Variants in RANBP2 observed in about 807,000 individuals in gnomAD.
The protein encoded by RANBP2 is E3 SUMO-protein ligase RanBP2.
RANBP2 carries 57 observed loss-of-function variants against 303.6 expected under a neutral mutation model. The observed-to-expected ratio is 0.19, with a 90% CI of 0.15 to 0.23. The LOEUF is 0.23. Ranked by LOEUF, RANBP2 falls within the 10% of genes least tolerant of loss-of-function variation. The pLI is 1.00. For missense variants in RANBP2, 3,138 were observed against 3,780.8 expected (o/e 0.83, Z 4.46); for synonymous variants, 1,167 against 1,301.5 (o/e 0.90, Z 2.23).
At chr2:108,899,156 G>A in the RANBP2 span, among the ~76,000 whole-genome samples, 1 of 150,090 alleles carries the variant, frequency 6.7e-6, no homozygotes, top group Non-Finnish European at 1.5e-5. Flanking sequence ...TAAAGACAAA[G>A]TCTTAGAAAC....
the RANBP2 span, among the ~76,000 whole-genome samples, chr2:109,722,082 G>A: frequency 1.3e-5 from 2 of 152,328 alleles, no homozygotes; most frequent in African/African-American, 2.4e-5. Flanking sequence ...GTGGAGAGGA[G>A]GATGGCAGGC....
chr2:109,166,408 C>T, the RANBP2 span, among the ~76,000 whole-genome samples: 936 of 141,910 alleles, frequency 6.6e-3, 9 homozygotes, highest in African/African-American at 0.023. Flanking sequence ...ACGTGGGAGG[C>T]GGAGGTTGTG....
At chr2:109,107,553 C>T in the RANBP2 span, among the ~76,000 whole-genome samples, 3 of 152,244 alleles carry the variant, frequency 2.0e-5, no homozygotes, top group Admixed American at 1.3e-4. Context: ...TCCTCTCTAC[C>T]TTCATTCAGA....
the RANBP2 span, among the ~76,000 whole-genome samples, chr2:109,723,154 C>A: frequency 6.6e-6 from 1 of 151,656 alleles, no homozygotes; most frequent in African/African-American, 2.4e-5. Flanking sequence ...TCTTTTTTTT[C>A]TTTTTCTACT....
At chr2:109,480,283 C>A in the RANBP2 span, among the ~76,000 whole-genome samples, 1 of 152,278 alleles carries the variant, frequency 6.6e-6, no homozygotes, top group East Asian at 1.9e-4. Context: ...GCACTTGAGC[C>A]CCATGTTTGA....
chr2:109,433,254 A>G, the RANBP2 span, among the ~76,000 whole-genome samples: 1 of 152,266 alleles, frequency 6.6e-6, no homozygotes, highest in Non-Finnish European at 1.5e-5. Flanking sequence ...CACTATATAC[A>G]TATATGCAAA....
the RANBP2 span, among the ~76,000 whole-genome samples, chr2:109,453,257 C>G: frequency 1.3e-5 from 2 of 152,238 alleles, no homozygotes; most frequent in Non-Finnish European, 2.9e-5. Flanking sequence ...CCTGCCTGAT[C>G]ATATTGCTCC....
chr2:109,379,782 G>A, the RANBP2 span, among the ~76,000 whole-genome samples: 4 of 152,082 alleles, frequency 2.6e-5, no homozygotes, highest in Non-Finnish European at 5.9e-5. Context: ...TGCAGGTGAA[G>A]CCCGGTCATT....
the RANBP2 span, chr2:109,542,937 G>C: frequency 5.9e-5 from 9 of 152,540 alleles, no homozygotes; most frequent in East Asian, 1.7e-3. Flanking sequence ...ATAATTAAAT[G>C]AACGTTTTTA....
chr2:109,475,404 A>T, the RANBP2 span, among the ~76,000 whole-genome samples: 1 of 152,222 alleles, frequency 6.6e-6, no homozygotes, highest in Admixed American at 6.5e-5. Context: ...CCTGCCTTCC[A>T]GGAGCTGTTC....
chr2:109,361,376 G>A, the RANBP2 span, among the ~76,000 whole-genome samples: 1 of 152,310 alleles, frequency 6.6e-6, no homozygotes, highest in Non-Finnish European at 1.5e-5. Context: ...TGAGATTGTA[G>A]AGAATTGGTA....
chr2:109,261,752 T>C, the RANBP2 span, among the ~76,000 whole-genome samples: 847 of 152,294 alleles, frequency 5.6e-3, 5 homozygotes, highest in Non-Finnish European at 8.2e-3. Context: ...TCGGCAGGCA[T>C]TTCAAGCCTT....
chr2:109,607,811 T>G, the RANBP2 span, among the ~76,000 whole-genome samples: 1 of 152,308 alleles, frequency 6.6e-6, no homozygotes, highest in East Asian at 1.9e-4. Context: ...AAACTCTGAC[T>G]TCCTTGATTC....
the RANBP2 span, among the ~76,000 whole-genome samples, chr2:109,707,847 T>G: frequency 6.6e-6 from 1 of 152,156 alleles, no homozygotes; most frequent in Non-Finnish European, 1.5e-5. Context: ...TAGATGTAAA[T>G]AAAAAAATGC....
chr2:109,000,786 C>T, the RANBP2 span, among the ~76,000 whole-genome samples: 1 of 152,160 alleles, frequency 6.6e-6, no homozygotes. Context: ...CTTACTGCAA[C>T]CCTATGAGAT....
the RANBP2 span, among the ~76,000 whole-genome samples, chr2:109,498,592 A>G: frequency 9.9e-5 from 15 of 152,270 alleles, no homozygotes; most frequent in Admixed American, 7.8e-4. Context: ...TCAGACACCA[A>G]TGTGCAAGCA....
chr2:109,644,506 T>C, the RANBP2 span, among the ~76,000 whole-genome samples: 1 of 152,156 alleles, frequency 6.6e-6, no homozygotes, highest in East Asian at 1.9e-4. Flanking sequence ...AGAAAAGTAG[T>C]TTGTGTTAGA....
the RANBP2 span, chr2:108,791,597 T>C: frequency 6.8e-7 from 1 of 1,478,724 alleles, no homozygotes; most frequent in Non-Finnish European, 9.4e-7. Flanking sequence ...ATGCTGTTAA[T>C]ATTTGAAAAG....
the RANBP2 span, among the ~76,000 whole-genome samples, chr2:109,469,211 C>T: frequency 1.9e-4 from 29 of 152,304 alleles, no homozygotes; most frequent in Middle Eastern, 6.8e-3. Flanking sequence ...GTGCATTGTG[C>T]GCTATCCCAG....
Sources: gnomAD v4.1 joint callset for allele counts (sites outside exome capture counted in the v4.1 genomes callset) on GRCh38, gnomAD v4.1.1 for gene constraint, MANE v1.5 for transcripts, NCBI Gene and HGNC (gene_info 2026-07-23, HGNC 2026-07-21) for gene names.